Variants in RANBP2 observed in about 807,000 individuals in gnomAD.
The protein encoded by RANBP2 is E3 SUMO-protein ligase RanBP2.
A neutral mutation model predicts 303.6 loss-of-function variants in RANBP2; 57 were observed. The ratio of observed to expected loss-of-function variants is 0.19; its 90% CI spans 0.15 to 0.23. RANBP2 has a LOEUF of 0.23. RANBP2 is among the 10% of genes least tolerant of loss of function. The pLI is 1.00. For missense variants in RANBP2, 3,138 were observed against 3,780.8 expected (o/e 0.83, Z 4.46); for synonymous variants, 1,167 against 1,301.5 (o/e 0.90, Z 2.23).
At chr2:109,420,016 G>A in the RANBP2 span, among the ~76,000 whole-genome samples, 5 of 152,210 alleles carry the variant, frequency 3.3e-5, no homozygotes, top group African/African-American at 1.2e-4. Flanking sequence ...TAGTCTAGGA[G>A]CTTGGGTAGC....
At chr2:109,025,053 G>A in the RANBP2 span, among the ~76,000 whole-genome samples, 3 of 152,044 alleles carry the variant, frequency 2.0e-5, no homozygotes, top group Admixed American at 6.6e-5. Context: ...TTCCCTCTAT[G>A]AATTGATCTC....
chr2:109,346,481 G>A, the RANBP2 span, among the ~76,000 whole-genome samples: 2 of 152,096 alleles, frequency 1.3e-5, no homozygotes, highest in African/African-American at 2.4e-5. Context: ...TAGGAAAATC[G>A]TTGGGTATTG....
chr2:109,192,008 C>A, the RANBP2 span, among the ~76,000 whole-genome samples: 1 of 152,190 alleles, frequency 6.6e-6, no homozygotes, highest in Non-Finnish European at 1.5e-5. Context: ...TCCACCTCAA[C>A]CCCTGCAGTC....
the RANBP2 span, among the ~76,000 whole-genome samples, chr2:109,259,361 C>G: frequency 6.6e-6 from 1 of 152,124 alleles, no homozygotes; most frequent in Middle Eastern, 3.2e-3. Context: ...CATCCAGAGC[C>G]GGAGGCATCC....
chr2:109,627,512 T>C, the RANBP2 span, among the ~76,000 whole-genome samples: 2 of 152,318 alleles, frequency 1.3e-5, no homozygotes, highest in African/African-American at 2.4e-5. Context: ...CAATTTTTAA[T>C]GGAAGAACAT....
chr2:108,791,127 C>G, the RANBP2 span, among the ~76,000 whole-genome samples: 2 of 151,934 alleles, frequency 1.3e-5, no homozygotes, highest in East Asian at 3.8e-4. Context: ...ATTATATTAA[C>G]TAATATTTTT....
the RANBP2 span, among the ~76,000 whole-genome samples, chr2:109,559,957 G>A: frequency 2.5e-5 from 3 of 122,234 alleles, no homozygotes; most frequent in Admixed American, 1.2e-4. Context: ...GTCTCGCTCT[G>A]TCACCCAGGC....
At chr2:109,512,424 G>T in the RANBP2 span, among the ~76,000 whole-genome samples, 1 of 152,130 alleles carries the variant, frequency 6.6e-6, no homozygotes, top group Non-Finnish European at 1.5e-5. Context: ...CCCCTCCTGA[G>T]TCAAGCTCCA....
the RANBP2 span, among the ~76,000 whole-genome samples, chr2:109,015,118 CAAAAAAAAAAAAAAAAAAAAAAAAAA>C: frequency 1.3e-4 from 9 of 68,810 alleles, 1 homozygote; most frequent in African/African-American, 2.3e-4. Context: ...GACTCCATCT[CAAAAAAAAAAAAAAAAAAAAAAAAAA>C]AAAAAAAAAA....
chr2:109,483,194 C>G, the RANBP2 span, among the ~76,000 whole-genome samples: 1 of 152,202 alleles, frequency 6.6e-6, no homozygotes. Flanking sequence ...TTACCTTTTC[C>G]CCATCTCCGA....
chr2:109,711,035 C>T, the RANBP2 span, among the ~76,000 whole-genome samples: 7 of 151,906 alleles, frequency 4.6e-5, no homozygotes, highest in Non-Finnish European at 8.8e-5. Flanking sequence ...CCCAGGGCTT[C>T]AAATGCTGTC....
chr2:109,480,748 C>T, the RANBP2 span, among the ~76,000 whole-genome samples: 6 of 152,106 alleles, frequency 3.9e-5, no homozygotes, highest in East Asian at 1.9e-4. Context: ...CTCCTGGATC[C>T]CCTGGGCTCA....
the RANBP2 span, among the ~76,000 whole-genome samples, chr2:109,465,677 C>T: frequency 6.6e-6 from 1 of 152,170 alleles, no homozygotes; most frequent in Non-Finnish European, 1.5e-5. Flanking sequence ...GCAGGCTCTA[C>T]AGGAAGCATA....
the RANBP2 span, among the ~76,000 whole-genome samples, chr2:108,981,467 G>C: frequency 6.6e-6 from 1 of 152,130 alleles, no homozygotes; most frequent in African/African-American, 2.4e-5. Flanking sequence ...TGGCCTTGGG[G>C]ATACAAAGAG....
the RANBP2 span, among the ~76,000 whole-genome samples, chr2:108,929,725 C>T: frequency 6.6e-6 from 1 of 152,164 alleles, no homozygotes; most frequent in African/African-American, 2.4e-5. Context: ...CCGGAGGTTT[C>T]CCTTAGTGCT....
chr2:109,511,293 G>A, the RANBP2 span, among the ~76,000 whole-genome samples: 1 of 152,202 alleles, frequency 6.6e-6, no homozygotes, highest in Non-Finnish European at 1.5e-5. Flanking sequence ...TGGAGAATGA[G>A]GTCCCACAGC....
chr2:109,450,786 A>T, the RANBP2 span, among the ~76,000 whole-genome samples: 1 of 152,196 alleles, frequency 6.6e-6, no homozygotes, highest in Non-Finnish European at 1.5e-5. Context: ...CTGGGCAAGG[A>T]GCCACTCTGT....
At chr2:109,493,989 G>T in the RANBP2 span, among the ~76,000 whole-genome samples, 1 of 152,156 alleles carries the variant, frequency 6.6e-6, no homozygotes, top group African/African-American at 2.4e-5. Flanking sequence ...AACACCTGCT[G>T]CCTGTGTTTT....
the RANBP2 span, among the ~76,000 whole-genome samples, chr2:109,548,775 CAAAAAAAAA>C: frequency 1.1e-4 from 7 of 63,596 alleles, no homozygotes; most frequent in East Asian, 1.2e-3. Context: ...GGCTCCATCT[CAAAAAAAAA>C]AAAAAAAAAA....
Sources: allele counts gnomAD v4.1 joint callset (sites outside exome capture counted in the v4.1 genomes callset), GRCh38; gene constraint gnomAD v4.1.1; transcripts MANE v1.5; gene names NCBI Gene and HGNC (gene_info 2026-07-23, HGNC 2026-07-21).